RBFOX3: variants seen among roughly 807,000 people sequenced by gnomAD.
RBFOX3 encodes the protein RNA binding fox-1 homolog 3.
A neutral mutation model predicts 48.7 loss-of-function variants in RBFOX3; 17 were observed. The observed-to-expected ratio is 0.35, with a 90% CI of 0.24 to 0.52. RBFOX3 has a LOEUF of 0.52. Ranked by LOEUF, RBFOX3 falls within the 20% of genes least tolerant of loss-of-function variation. RBFOX3 has a pLI of 0.94. For synonymous variants in RBFOX3, 212 were observed against 209.5 expected, an observed-to-expected ratio of 1.01 and a Z score of -0.10; for missense variants, 382 against 497.5, an observed-to-expected ratio of 0.77 and a Z score of 2.21.
At chr17:79,196,450 A>G (rs566268599) in intron 4 of RBFOX3, among the ~76,000 whole-genome samples, 1 of 152,358 alleles carries the variant, frequency 6.6e-6, no homozygotes, top group East Asian at 1.9e-4. Context: ...CTCTCTCAGT[A>G]TCGCATTCCC....
intron 2 of RBFOX3, among the ~76,000 whole-genome samples, chr17:79,373,928 G>A (rs1055382800): frequency 2.6e-5 from 4 of 152,072 alleles, no homozygotes; most frequent in South Asian, 2.1e-4. Flanking sequence ...GCGCGATCTC[G>A]GCTCACTGCA....
chr17:79,373,629 A>C (rs989386759), intron 2 of RBFOX3, among the ~76,000 whole-genome samples: 1 of 151,428 alleles, frequency 6.6e-6, no homozygotes, highest in Non-Finnish European at 1.5e-5. Context: ...TACAGCCCAC[A>C]CTGGAGGCCC....
chr17:79,227,787 C>T (rs1011809319), intron 4 of RBFOX3, among the ~76,000 whole-genome samples: 5 of 152,160 alleles, frequency 3.3e-5, no homozygotes, highest in East Asian at 1.9e-4. Flanking sequence ...AAGGTAGGCT[C>T]GGGGCCTCTG....
At chr17:79,092,725 A>C in intron 14 of RBFOX3, 9 of 729,972 alleles carry the variant, frequency 1.2e-5, no homozygotes, top group Non-Finnish European at 1.5e-5. Flanking sequence ...AAAAAGGAAA[A>C]ACAAAAAGAG....
chr17:79,226,644 C>A (rs1399931690), intron 4 of RBFOX3, among the ~76,000 whole-genome samples: 1 of 152,202 alleles, frequency 6.6e-6, no homozygotes, highest in Non-Finnish European at 1.5e-5. Context: ...TCCTGCTGGG[C>A]AGCTTTGAGC....
rs549443447 is a variant in RBFOX3, at chr17:79,354,748, C to A, written c.-174-46924G>T. Among the ~76,000 whole-genome samples, 72 of 152,316 alleles carry A rather than the reference C, an allele frequency of 4.7e-4. 1 individual carries two copies. The highest frequency in any genetic ancestry group is 1.6e-3 in the African/African-American group (67 of 41,574). On this transcript the variant is annotated intron_variant, in intron 2 of 14. Coordinates refer to ENST00000693108, the MANE Select transcript of RBFOX3 (RefSeq NM_001350451.2). ...TGTGTGAGAGACTCAGGCACAGGGA[C>A]CTCACCTCCAACTCCGGCCCCTCAG...
the RBFOX3 span, among the ~76,000 whole-genome samples, chr17:79,654,030 CT>C: frequency 6.5e-3 from 966 of 149,182 alleles, 11 homozygotes; most frequent in African/African-American, 0.022. Context: ...AAATACTGCT[CT>C]TTTTTTTTTC....
chr17:79,102,627 C>T (rs1046241034), intron 8 of RBFOX3, among the ~76,000 whole-genome samples: 1 of 152,236 alleles, frequency 6.6e-6, no homozygotes, highest in Non-Finnish European at 1.5e-5. Flanking sequence ...CAGGGCCCCT[C>T]TCCCTGCTCC....
intron 1 of RBFOX3, among the ~76,000 whole-genome samples, chr17:79,522,092 T>C (rs1300549718): frequency 6.6e-6 from 1 of 152,206 alleles, no homozygotes; most frequent in Non-Finnish European, 1.5e-5. Flanking sequence ...CTCGGGCAAC[T>C]GGAATTGCTC....
At chr17:79,617,927 G>A in the RBFOX3 span, among the ~76,000 whole-genome samples, 1 of 152,208 alleles carries the variant, frequency 6.6e-6, no homozygotes, top group Non-Finnish European at 1.5e-5. Context: ...AGCAGCAAGC[G>A]CATCTGCGAT....
At chr17:79,658,492 G>A in the RBFOX3 span, among the ~76,000 whole-genome samples, 53 of 139,606 alleles carry the variant, frequency 3.8e-4, no homozygotes, top group African/African-American at 1.4e-3. Context: ...CTCTCTTCCT[G>A]CATGTGCACT....
At chr17:79,312,947 A>G (rs1459952689) in intron 2 of RBFOX3, among the ~76,000 whole-genome samples, 1 of 152,138 alleles carries the variant, frequency 6.6e-6, no homozygotes, top group Non-Finnish European at 1.5e-5. Context: ...TTTCTGCAGT[A>G]TAACTCATTA....
intron 2 of RBFOX3, among the ~76,000 whole-genome samples, chr17:79,456,770 C>T (rs568241238): frequency 3.3e-5 from 5 of 152,150 alleles, no homozygotes; most frequent in South Asian, 2.1e-4. Flanking sequence ...CACCCTGGCC[C>T]GGCCGGCTCT....
chr17:79,317,953 G>C (rs757169861), intron 2 of RBFOX3, among the ~76,000 whole-genome samples: 2 of 152,050 alleles, frequency 1.3e-5, no homozygotes, highest in African/African-American at 2.4e-5. Flanking sequence ...TATTTTTCTA[G>C]GAATGGAAGT....
chr17:79,595,240 G>A (rs959991937), intron 1 of RBFOX3, among the ~76,000 whole-genome samples: 1 of 151,852 alleles, frequency 6.6e-6, no homozygotes, highest in Non-Finnish European at 1.5e-5. Context: ...GAAAGAAACC[G>A]GCACGCAGAC....
intron 3 of RBFOX3, among the ~76,000 whole-genome samples, chr17:79,305,568 G>A (rs1220455197): frequency 6.6e-6 from 1 of 152,124 alleles, no homozygotes; most frequent in African/African-American, 2.4e-5. Flanking sequence ...CCCCTCCAGT[G>A]AGCCCCTGAA....
rs543240173 is a variant in RBFOX3 at position 79,092,621 on chromosome 17, C to A, written c.1078-1736G>T. ...GCTAGTAGGGGGTGAAGCGGCTGTA[C>A]CCTCCTCGGCAGAGGCTAGCCTGCA... is the stretch of plus-strand genomic sequence containing the variant. On this transcript the variant is annotated intron_variant, in intron 14 of 14. Coordinates refer to ENST00000693108, the MANE Select transcript of RBFOX3 (RefSeq NM_001350451.2). The A allele has an allele frequency of 6.6e-4, 649 of 987,546 alleles. 2 individuals are homozygous for A. The African/African-American group carries it at 0.011, about 16-fold the overall frequency. The allele number at this position is 987,546 out of a possible 1,614,324, so 61.2% of individuals were successfully genotyped here. A position where few individuals can be genotyped will look rare whatever the true frequency, so the allele number is the denominator to read the frequency against.
At chr17:79,217,674 A>T (rs1039671397) in intron 4 of RBFOX3, among the ~76,000 whole-genome samples, 16 of 152,078 alleles carry the variant, frequency 1.1e-4, no homozygotes, top group African/African-American at 3.4e-4. Flanking sequence ...GGAGGTGGTG[A>T]CAGCTAAGCT....
In RBFOX3 at chr17:79,493,365, G is replaced by A. The variant is rs367729424; in HGVS notation, c.-319-10767C>T. Among the ~76,000 whole-genome samples, 254 of 152,214 alleles carry A rather than the reference G, an allele frequency of 1.7e-3. 2 individuals carry two copies. The highest frequency in any genetic ancestry group is 5.7e-3 in the African/African-American group (235 of 41,506). ...TTGGAGGGGGACACACATCCAAACC[G>A]TATCAAGAGCATTTCCAGAAGGAGA... On this transcript the variant is annotated intron_variant, in intron 1 of 14. Coordinates refer to ENST00000693108, the MANE Select transcript of RBFOX3 (RefSeq NM_001350451.2).
Sources: gnomAD v4.1 joint callset for allele counts (sites outside exome capture counted in the v4.1 genomes callset) on GRCh38, gnomAD v4.1.1 for gene constraint, MANE v1.5 for transcripts, NCBI Gene and HGNC (gene_info 2026-07-23, HGNC 2026-07-21) for gene names.